Variants in ZNF420 observed in about 807,000 individuals in gnomAD.
ZNF420 encodes the protein ATM and p53-associated KZNF protein.
In ZNF420, 31 loss-of-function variants were observed where a neutral mutation model predicts 44.7. The observed-to-expected ratio is 0.69, with a 90% CI of 0.52 to 0.94. The LOEUF is 0.94. ZNF420 is among the 40% of genes least tolerant of loss of function. The pLI is 0.00. For synonymous variants in ZNF420, 245 were observed against 267.4 expected, an observed-to-expected ratio of 0.92 and a Z score of 0.82; for missense variants, 681 against 827.9, an observed-to-expected ratio of 0.82 and a Z score of 2.18.
upstream of ZNF420, among the ~76,000 whole-genome samples, chr19:37,075,549 T>C (rs1968130466): frequency 6.6e-6 from 1 of 152,090 alleles, no homozygotes; most frequent in Non-Finnish European, 1.5e-5. Flanking sequence ...GAGACCAGCC[T>C]GGCTAAAATG....
intron 1 of ZNF420, among the ~76,000 whole-genome samples, chr19:37,068,996 A>G (rs1338355860): frequency 6.6e-6 from 1 of 152,034 alleles, no homozygotes; most frequent in African/African-American, 2.4e-5. Flanking sequence ...CCTTACAGAT[A>G]TGGCGAGATA....
rs768784398 is a variant in ZNF420 at position 37,127,589 on chromosome 19, T to C, written c.598T>C (p.Cys200Arg). Reference protein sequence around the residue: ...TGEKPYACKECGKAFTQSSQL... With the variant: ...TGEKPYACKERGKAFTQSSQL... ...TGAGAAACCCTATGCATGTAAGGAA[T>C]GTGGGAAGGCCTTTACTCAAAGCTC... The change falls in exon 5 of 5, where the codon TGT becomes CGT. Residue 200 changes from cysteine to arginine, a missense_variant. Cys to Arg is a radical substitution (Grantham distance 180). Coordinates refer to ENST00000337995, the MANE Select transcript of ZNF420 (RefSeq NM_144689.5). 1.5e-5 allele frequency: 24 copies of C among 1,613,920 alleles called. No individual in the cohort carries two copies.
chr19:37,064,937 C>A (rs1967941703), intron 1 of ZNF420, among the ~76,000 whole-genome samples: 1 of 152,142 alleles, frequency 6.6e-6, no homozygotes. Flanking sequence ...CCCAGGGGGC[C>A]ATCACAATCG....
intron 1 of ZNF420, among the ~76,000 whole-genome samples, chr19:37,042,887 C>A (rs1457838349): frequency 6.6e-6 from 1 of 152,114 alleles, no homozygotes; most frequent in Non-Finnish European, 1.5e-5. Context: ...TTAATTTGAA[C>A]ACTAAGAGGC....
intron 4 of ZNF420, among the ~76,000 whole-genome samples, chr19:37,122,502 T>C (rs1350321128): frequency 6.6e-6 from 1 of 151,980 alleles, no homozygotes; most frequent in Non-Finnish European, 1.5e-5. Flanking sequence ...TTAGGAGATA[T>C]ACCTAATGCT....
intron 3 of ZNF420, 71 bp from the exon 4 acceptor site, chr19:37,090,924 A>C: frequency 6.6e-7 from 1 of 1,519,370 alleles, no homozygotes; most frequent in Non-Finnish European, 8.9e-7. Flanking sequence ...CATCTCAAAA[A>C]AAAAAAAAGA....
chr19:37,106,652 G>A (rs2080005793), intron 4 of ZNF420: 1 of 152,228 alleles, frequency 6.6e-6, no homozygotes, highest in Admixed American at 6.5e-5. Flanking sequence ...AGATCTGAAG[G>A]GGTGGCCTGC....
chr19:37,125,851 G>A (rs1309917514), intron 4 of ZNF420, among the ~76,000 whole-genome samples: 1 of 152,172 alleles, frequency 6.6e-6, no homozygotes, highest in Non-Finnish European at 1.5e-5. Flanking sequence ...TGTCCAGATT[G>A]GTCTACTGTT....
chr19:37,127,166 G>C lies in ZNF420; in HGVS notation c.175G>C (p.Glu59Gln). 1 of 1,551,094 alleles carries C rather than the reference G, an allele frequency of 6.4e-7. No individual in the cohort carries two copies. Among genetic ancestry groups the C allele is most frequent in the Non-Finnish European group, 8.7e-7 (1 of 1,149,536 alleles). The stretch of plus-strand genomic sequence containing the variant: ...GTGTGCAAGTAAGGACTTATCTCCA[G>C]AAAAGAACACTTATGAAACAGAATT... Reference protein sequence around the residue: ...SRCASKDLSPEKNTYETELSQ... With the variant: ...SRCASKDLSPQKNTYETELSQ... The change falls in exon 5 of 5, where the codon GAA (glutamate) becomes CAA (glutamine). Residue 59 changes from glutamate to glutamine, a missense_variant. By Grantham distance (29) the Glu-to-Gln change is conservative. Transcript: ENST00000337995.
At chr19:37,094,104 A>G (rs912215351) in intron 4 of ZNF420, among the ~76,000 whole-genome samples, 1 of 152,188 alleles carries the variant, frequency 6.6e-6, no homozygotes, top group African/African-American at 2.4e-5. Flanking sequence ...GTACATGAGT[A>G]TCATATTTTT....
At chr19:37,102,498 G>C (rs1439638332) in intron 4 of ZNF420, among the ~76,000 whole-genome samples, 3 of 152,190 alleles carry the variant, frequency 2.0e-5, no homozygotes, top group Non-Finnish European at 4.4e-5. Context: ...CCTTTAGGCA[G>C]ATGGTTTTGA....
intron 1 of ZNF420, among the ~76,000 whole-genome samples, chr19:37,052,314 C>G (rs1967653717): frequency 6.6e-6 from 1 of 151,834 alleles, no homozygotes; most frequent in Non-Finnish European, 1.5e-5. Context: ...ACTCTTTATC[C>G]AATTTGCCAG....
chr19:37,022,575 C>T (rs901923110), intron 1 of ZNF420, among the ~76,000 whole-genome samples: 1 of 151,960 alleles, frequency 6.6e-6, no homozygotes, highest in African/African-American at 2.4e-5. Flanking sequence ...TTTATCTCAT[C>T]AAAATCCACT....
intron 4 of ZNF420, chr19:37,111,698 A>G (rs1037885220): frequency 1.3e-5 from 2 of 152,214 alleles, no homozygotes; most frequent in African/African-American, 4.8e-5. Flanking sequence ...TTGGACTATT[A>G]AGCATTCCCT....
intron 4 of ZNF420, among the ~76,000 whole-genome samples, chr19:37,122,395 T>C (rs1241379073): frequency 6.9e-6 from 1 of 144,242 alleles, no homozygotes; most frequent in African/African-American, 2.6e-5. Flanking sequence ...TTCTCACTCA[T>C]AGGTGGGAAT....
At chr19:37,061,393 T>G (rs989235491) in intron 1 of ZNF420, among the ~76,000 whole-genome samples, 20 of 152,326 alleles carry the variant, frequency 1.3e-4, no homozygotes, top group African/African-American at 4.8e-4. Context: ...CAAGTAGGGA[T>G]TGTATTGCAA....
At chr19:37,020,125 A>G (rs7252230) in intron 1 of ZNF420, among the ~76,000 whole-genome samples, 49,334 of 151,270 alleles carry the variant, frequency 0.33, 8,275 homozygotes, top group Non-Finnish European at 0.35. Flanking sequence ...GCTGAGGCAG[A>G]AGAATCGTTT....
chr19:37,072,514 G>T (rs1380012162), intron 1 of ZNF420, among the ~76,000 whole-genome samples: 1 of 152,164 alleles, frequency 6.6e-6, no homozygotes. Context: ...GATTCTTCTA[G>T]TTTCCAATAT....
At chr19:37,056,162 G>T (rs1195226888) in intron 1 of ZNF420, among the ~76,000 whole-genome samples, 1 of 152,062 alleles carries the variant, frequency 6.6e-6, no homozygotes, top group African/African-American at 2.4e-5. Context: ...TGGGTACAGG[G>T]GAGGCTGTGT....
Sources: gnomAD v4.1 joint callset for allele counts (sites outside exome capture counted in the v4.1 genomes callset) on GRCh38, gnomAD v4.1.1 for gene constraint, MANE v1.5 for transcripts, NCBI Gene and HGNC (gene_info 2026-07-23, HGNC 2026-07-21) for gene names.